The following AGBL1 variants were observed in gnomAD, a reference collection of about 807,000 sequenced individuals.
AGBL1 encodes the protein cytosolic carboxypeptidase 4.
Under a neutral mutation model 118.9 loss-of-function variants are expected in AGBL1, and 130 were observed. The ratio of observed to expected loss-of-function variants is 1.09; its 90% CI spans 0.95 to 1.26. The LOEUF (loss-of-function observed/expected upper bound fraction) is 1.26. Among genes scored for constraint, AGBL1 ranks in the 50% most tolerant of loss-of-function variants. AGBL1 has a pLI of 0.00. For missense variants in AGBL1, 1,584 were observed against 1,298.1 expected (o/e 1.22, Z -3.38); for synonymous variants, 555 against 478.9 (o/e 1.16, Z -2.08).
intron 22 of AGBL1, among the ~76,000 whole-genome samples, chr15:86,776,231 A>T (rs138580918): frequency 6.6e-6 from 1 of 152,162 alleles, no homozygotes; most frequent in Non-Finnish European, 1.5e-5. Flanking sequence ...TTACTGAGAG[A>T]CAGTACCTTT....
chr15:86,280,524 C>T (rs909476498), intron 16 of AGBL1, among the ~76,000 whole-genome samples: 1 of 152,152 alleles, frequency 6.6e-6, no homozygotes, highest in Non-Finnish European at 1.5e-5. Flanking sequence ...TTACTGCTAC[C>T]ATTTCGTGGA....
rs59417397 is a variant in AGBL1 at position 86,433,266 on chromosome 15, C to CTTTTTTTTTTTTTTTTTTTTT, written c.2555+35727_2555+35747dup. On this transcript the variant is annotated intron_variant, in intron 18 of 22. Transcript: ENST00000614907. ...TCTCCTCCTCCTCCTCCTCCTTCTTCTTTTTTTTTTTTTTTTTTTTTTTTT... is the reference window on the plus strand; with the variant it reads ...TCTCCTCCTCCTCCTCCTCCTTCTTCTTTTTTTTTTTTTTTTTTTTTTTTTTTTTTTTTTTTTTTTTTTTTT... 5.6e-4 allele frequency among the ~76,000 whole-genome samples: 42 copies of CTTTTTTTTTTTTTTTTTTTTT among 74,880 alleles called. 8 individuals carry two copies. Among genetic ancestry groups the CTTTTTTTTTTTTTTTTTTTTT allele is most frequent in the African/African-American group, 1.7e-3 (32 of 18,994 alleles). 49.1% of individuals were successfully genotyped at this position (74,880 alleles called of 152,430 possible).
chr15:86,271,485 C>CA, intron 14 of AGBL1, 134 bp from the exon 15 acceptor site: 1 of 708,966 alleles, frequency 1.4e-6, no homozygotes, highest in Non-Finnish European at 2.5e-6. Flanking sequence ...ATCATATCTG[C>CA]AAATCTCTTT....
chr15:86,228,097 A>T (rs559980717), intron 6 of AGBL1, among the ~76,000 whole-genome samples: 1 of 152,358 alleles, frequency 6.6e-6, no homozygotes, highest in African/African-American at 2.4e-5. Flanking sequence ...TGGTACCAAC[A>T]TTCTGATGAG....
At chr15:86,426,089 T>C (rs936865955) in intron 18 of AGBL1, among the ~76,000 whole-genome samples, 10 of 152,138 alleles carry the variant, frequency 6.6e-5, no homozygotes, top group African/African-American at 1.9e-4. Flanking sequence ...GTAGAACATA[T>C]GTAGCAGAAC....
chr15:86,194,888 C>G (rs1004285558), intron 5 of AGBL1, among the ~76,000 whole-genome samples: 10 of 152,184 alleles, frequency 6.6e-5, no homozygotes, highest in Admixed American at 6.5e-5. Flanking sequence ...TATATTTCTA[C>G]AATTTGTCAT....
At chr15:86,214,323 A>G (rs2078149940) in intron 5 of AGBL1, among the ~76,000 whole-genome samples, 1 of 152,232 alleles carries the variant, frequency 6.6e-6, no homozygotes, top group Admixed American at 6.5e-5. Flanking sequence ...CATTTGACTT[A>G]TAAGAGTTCA....
chr15:86,850,491 G>A (rs1411388207), intron 22 of AGBL1, among the ~76,000 whole-genome samples: 1 of 152,074 alleles, frequency 6.6e-6, no homozygotes, highest in Non-Finnish European at 1.5e-5. Flanking sequence ...TCACACCATG[G>A]GTGCCCCACT....
intron 23 of AGBL1, among the ~76,000 whole-genome samples, chr15:86,929,458 C>A (rs1567244974): frequency 6.6e-6 from 1 of 152,218 alleles, no homozygotes; most frequent in Non-Finnish European, 1.5e-5. Flanking sequence ...CCTCCAATAT[C>A]AACTCAGAGG....
chr15:86,234,550 C>CAA (rs397854519), intron 6 of AGBL1, among the ~76,000 whole-genome samples: 138 of 75,814 alleles, frequency 1.8e-3, no homozygotes, highest in Non-Finnish European at 2.6e-3. Flanking sequence ...GACTCTATCT[C>CAA]AAAAAAAAAA....
chr15:86,748,394 T>C (rs1418246305), intron 22 of AGBL1, among the ~76,000 whole-genome samples: 2 of 152,082 alleles, frequency 1.3e-5, no homozygotes, highest in African/African-American at 4.8e-5. Context: ...CTTTGTCAGA[T>C]GAGTAGATTG....
intron 17 of AGBL1, among the ~76,000 whole-genome samples, chr15:86,306,297 C>T (rs1339133773): frequency 6.6e-6 from 1 of 152,072 alleles, no homozygotes; most frequent in Admixed American, 6.6e-5. Flanking sequence ...ATCTCCACCT[C>T]CCCCTGTGAC....
rs147172913 is a variant in AGBL1, at chr15:86,162,223, G to A, written c.488+3197G>A. Among the ~76,000 whole-genome samples, 497 of 152,250 alleles carry A rather than the reference G, an allele frequency of 3.3e-3. 4 individuals carry two copies. Among genetic ancestry groups the A allele is most frequent in the African/African-American group, 0.011 (444 of 41,540 alleles). ...AAGGGATAAAGTCGCATGTCAGGGG[G>A]CATGGATAGCTCTACTAAGTATCAT... On this transcript the variant is annotated intron_variant, in intron 5 of 22. Coordinates refer to ENST00000614907, the MANE Select transcript of AGBL1 (RefSeq NM_001386094.1).
intron 17 of AGBL1, among the ~76,000 whole-genome samples, chr15:86,331,457 C>A (rs1456704546): frequency 6.6e-6 from 1 of 152,086 alleles, no homozygotes; most frequent in Non-Finnish European, 1.5e-5. Flanking sequence ...CAGAGAAGAC[C>A]TGCAAGATGC....
At chr15:87,004,922 A>C (rs977728232) in intron 24 of AGBL1, among the ~76,000 whole-genome samples, 1 of 152,162 alleles carries the variant, frequency 6.6e-6, no homozygotes, top group African/African-American at 2.4e-5. Context: ...TTGTCTGTAC[A>C]GTATTTTATT....
At position 86,352,606 on chromosome 15, in the gene AGBL1, C is replaced by T. The variant is rs533087922; in HGVS notation, c.2375-44760C>T. Among the ~76,000 whole-genome samples, 112 of 152,078 alleles carry T rather than the reference C, an allele frequency of 7.4e-4. 1 individual carries two copies. In the South Asian group the frequency reaches 0.019, roughly 25 times the overall value. ...AAGCAATTCTCCTGCTGCAGTCTCCCGAGGGGCTGGGATTACAAGTGTGCA... is the reference window on the plus strand; with the variant it reads ...AAGCAATTCTCCTGCTGCAGTCTCCTGAGGGGCTGGGATTACAAGTGTGCA... On this transcript the variant is annotated intron_variant, in intron 17 of 22. Transcript: ENST00000614907.
chr15:86,823,150 C>T (rs975498812), intron 22 of AGBL1, among the ~76,000 whole-genome samples: 4 of 152,078 alleles, frequency 2.6e-5, no homozygotes, highest in African/African-American at 9.7e-5. Context: ...TTTAGTAATA[C>T]CCTTATCTTC....
intron 24 of AGBL1, among the ~76,000 whole-genome samples, chr15:86,990,849 C>T (rs1253195212): frequency 6.6e-6 from 1 of 152,108 alleles, no homozygotes; most frequent in East Asian, 1.9e-4. Flanking sequence ...TATGGAAACT[C>T]AGAAGGGGGA....
intron 3 of AGBL1, among the ~76,000 whole-genome samples, chr15:86,145,672 C>T (rs997947091): frequency 1.3e-5 from 2 of 152,150 alleles, no homozygotes; most frequent in South Asian, 4.1e-4. Context: ...CCTGCATGAG[C>T]GTGTCCCAGA....
Sources: allele counts gnomAD v4.1 joint callset (sites outside exome capture counted in the v4.1 genomes callset), GRCh38; gene constraint gnomAD v4.1.1; transcripts MANE v1.5; gene names NCBI Gene and HGNC (gene_info 2026-07-23, HGNC 2026-07-21).